Variants in CYP2A13 observed in about 807,000 individuals in gnomAD.
The protein encoded by CYP2A13 is cytochrome P450 2A13.
Under a neutral mutation model 39.4 loss-of-function variants are expected in CYP2A13, and 30 were observed. That is an observed-to-expected ratio of 0.76 (90% CI 0.57 to 1.03). The LOEUF (loss-of-function observed/expected upper bound fraction) is 1.03, where lower values mean the gene tolerates loss of function less well. CYP2A13 is among the 50% of genes least tolerant of loss of function. The pLI, the probability that CYP2A13 is intolerant of heterozygous loss-of-function variation, is 0.00. For synonymous variants in CYP2A13, 269 were observed against 254.7 expected (o/e 1.06, Z -0.54); for missense variants, 731 against 648.4 (o/e 1.13, Z -1.38).
In CYP2A13 at chr19:41,095,989, GC is replaced by G. The variant is rs1230222066; in HGVS notation, c.*50del. 6 of 1,597,616 alleles carry G rather than the reference GC, an allele frequency of 3.8e-6. No homozygotes were observed. Among genetic ancestry groups the G allele is most frequent in the Non-Finnish European group, 5.1e-6 (6 of 1,169,490 alleles). ...GCTGGTGGGCGGGGCCAGGGAAACG[GC>G]CGGGGCAGGGGCGGGGCTTGTGGGA... On this transcript the variant is annotated 3_prime_UTR_variant, in exon 9 of 9. Coordinates refer to ENST00000330436, the MANE Select transcript of CYP2A13 (RefSeq NM_000766.5).
Sources: gnomAD v4.1 joint callset for allele counts on GRCh38, gnomAD v4.1.1 for gene constraint, MANE v1.5 for transcripts, NCBI Gene and HGNC (gene_info 2026-07-23, HGNC 2026-07-21) for gene names.